Variants in NRXN3 observed in about 807,000 individuals in gnomAD.
The protein encoded by NRXN3 is neurexin III.
Under a neutral mutation model 137.6 loss-of-function variants are expected in NRXN3, and 32 were observed. That is an observed-to-expected ratio of 0.23 (90% CI 0.18 to 0.31). NRXN3 has a LOEUF of 0.31. Among genes scored for constraint, NRXN3 ranks in the 10% least tolerant of loss-of-function variants. NRXN3 has a pLI of 1.00. For synonymous variants in NRXN3, 798 were observed against 784.5 expected, an observed-to-expected ratio of 1.02 and a Z score of -0.29; for missense variants, 1,574 against 2,062.5, an observed-to-expected ratio of 0.76 and a Z score of 4.59.
At chr14:79,549,403 G>A (rs1339569222) in intron 16 of NRXN3, among the ~76,000 whole-genome samples, 1 of 152,146 alleles carries the variant, frequency 6.6e-6, no homozygotes, top group Non-Finnish European at 1.5e-5. Context: ...AGCACCTACT[G>A]CTGAAGTTGG....
At chr14:78,894,874 T>C (rs924200894) in intron 10 of NRXN3, among the ~76,000 whole-genome samples, 5 of 149,736 alleles carry the variant, frequency 3.3e-5, no homozygotes, top group Non-Finnish European at 3.0e-5. Flanking sequence ...CAATGAATAG[T>C]AACATTTTGA....
chr14:78,472,128 A>G (rs1032091086), intron 4 of NRXN3, among the ~76,000 whole-genome samples: 4 of 152,246 alleles, frequency 2.6e-5, no homozygotes, highest in African/African-American at 9.6e-5. Flanking sequence ...AAGATCTAGG[A>G]CACAGCTTAC....
chr14:79,786,020 G>T (rs923645438), intron 19 of NRXN3, among the ~76,000 whole-genome samples: 1 of 151,974 alleles, frequency 6.6e-6, no homozygotes, highest in African/African-American at 2.4e-5. Flanking sequence ...GCAGAATGAG[G>T]CTTGGGACAG....
At chr14:78,245,542 G>T (rs1046282088) in intron 2 of NRXN3, among the ~76,000 whole-genome samples, 1 of 152,150 alleles carries the variant, frequency 6.6e-6, no homozygotes, top group Non-Finnish European at 1.5e-5. Flanking sequence ...AAGACTGCAG[G>T]TGTTCCTTAA....
intron 10 of NRXN3, among the ~76,000 whole-genome samples, chr14:78,892,621 G>A (rs372362350): frequency 4.6e-4 from 70 of 151,428 alleles, no homozygotes; most frequent in African/African-American, 1.6e-3. Flanking sequence ...GAACTTGATG[G>A]TTGTAAATCA....
At chr14:79,009,303 A>G (rs764002845) in intron 15 of NRXN3, among the ~76,000 whole-genome samples, 51 of 152,200 alleles carry the variant, frequency 3.4e-4, no homozygotes, top group Non-Finnish European at 7.3e-5. Context: ...GTAATCTGAC[A>G]TGCAGACTTG....
intron 15 of NRXN3, among the ~76,000 whole-genome samples, chr14:79,299,170 AT>A (rs1226337480): frequency 6.6e-6 from 1 of 152,116 alleles, no homozygotes; most frequent in Non-Finnish European, 1.5e-5. Flanking sequence ...CCAGTTTTAC[AT>A]TTTGAAAAGA....
At chr14:78,721,428 A>C (rs549573775) in intron 8 of NRXN3, among the ~76,000 whole-genome samples, 2 of 152,206 alleles carry the variant, frequency 1.3e-5, no homozygotes, top group East Asian at 3.9e-4. Context: ...GGCCCTTTTC[A>C]ACTCTAAAAC....
At chr14:78,597,356 T>C (rs2097166029) in intron 4 of NRXN3, among the ~76,000 whole-genome samples, 1 of 152,256 alleles carries the variant, frequency 6.6e-6, no homozygotes, top group African/African-American at 2.4e-5. Flanking sequence ...AATCCTATTT[T>C]TTCCAGGGAG....
chr14:79,827,768 C>A (rs1309575034), intron 20 of NRXN3, among the ~76,000 whole-genome samples: 2 of 150,588 alleles, frequency 1.3e-5, no homozygotes, highest in African/African-American at 4.9e-5. Flanking sequence ...GATCTCGGCT[C>A]ACTGCAACTT....
intron 15 of NRXN3, among the ~76,000 whole-genome samples, chr14:79,465,614 A>G (rs1322863296): frequency 2.6e-5 from 4 of 152,210 alleles, no homozygotes; most frequent in African/African-American, 9.6e-5. Context: ...AACAAGATGA[A>G]TAACTCACTT....
intron 8 of NRXN3, among the ~76,000 whole-genome samples, chr14:78,753,099 T>C (rs1252445948): frequency 1.3e-5 from 2 of 152,170 alleles, no homozygotes; most frequent in African/African-American, 4.8e-5. Flanking sequence ...ACACAGTCTG[T>C]AAGTGACCAG....
chr14:78,372,120 A>T (rs1410238363), intron 4 of NRXN3, among the ~76,000 whole-genome samples: 5 of 151,438 alleles, frequency 3.3e-5, no homozygotes, highest in South Asian at 2.1e-4. Context: ...CTTTTTTTTT[A>T]AAACAAGGAT....
intron 20 of NRXN3, among the ~76,000 whole-genome samples, chr14:79,856,021 A>C (rs1393893175): frequency 6.6e-6 from 1 of 152,196 alleles, no homozygotes; most frequent in South Asian, 2.1e-4. Context: ...TTTGTAATAC[A>C]TAATGATATC....
intron 19 of NRXN3, among the ~76,000 whole-genome samples, chr14:79,768,108 G>T (rs2099062640): frequency 6.6e-6 from 1 of 152,208 alleles, no homozygotes; most frequent in Admixed American, 6.5e-5. Context: ...CCCTCACCTG[G>T]CTCGGAGGGT....
chr14:78,868,336 A>G (rs1454462626), intron 10 of NRXN3, among the ~76,000 whole-genome samples: 3 of 152,088 alleles, frequency 2.0e-5, no homozygotes, highest in Admixed American at 6.5e-5. Flanking sequence ...CTGCACTCAA[A>G]AGACAAAATC....
At chr14:79,406,485 G>A (rs2095315209) in intron 15 of NRXN3, among the ~76,000 whole-genome samples, 1 of 151,552 alleles carries the variant, frequency 6.6e-6, no homozygotes, top group African/African-American at 2.4e-5. Flanking sequence ...TTTCTCTTTT[G>A]TAGAGATGGG....
chr14:79,546,337 T>C (rs1031587967), intron 16 of NRXN3, among the ~76,000 whole-genome samples: 1 of 152,200 alleles, frequency 6.6e-6, no homozygotes, highest in Non-Finnish European at 1.5e-5. Context: ...GCCAGATACA[T>C]AGTAGAAATA....
intron 19 of NRXN3, among the ~76,000 whole-genome samples, chr14:79,716,801 AT>A (rs2098825180): frequency 6.6e-6 from 1 of 152,154 alleles, no homozygotes. Context: ...CAAAACTTTC[AT>A]GCCTACGCTG....
Sources: gnomAD v4.1 joint callset for allele counts (sites outside exome capture counted in the v4.1 genomes callset) on GRCh38, gnomAD v4.1.1 for gene constraint, MANE v1.5 for transcripts, NCBI Gene and HGNC (gene_info 2026-07-23, HGNC 2026-07-21) for gene names.